POLR3C: variants seen among roughly 807,000 people sequenced by gnomAD.
POLR3C encodes DNA-directed RNA polymerase III subunit RPC3.
A neutral mutation model predicts 65.9 loss-of-function variants in POLR3C; 44 were observed. The observed-to-expected ratio is 0.67, with a 90% CI of 0.52 to 0.86. The LOEUF is 0.86. Among genes scored for constraint, POLR3C ranks in the 40% least tolerant of loss-of-function variants. POLR3C has a pLI of 0.00. For missense variants in POLR3C, 576 were observed against 653.2 expected, an observed-to-expected ratio of 0.88 and a Z score of 1.29; for synonymous variants, 263 against 231.6, an observed-to-expected ratio of 1.14 and a Z score of -1.23.
intron 4 of POLR3C, among the ~76,000 whole-genome samples, chr1:145,827,262 T>C (rs1553726064): frequency 2.0e-5 from 3 of 152,322 alleles, no homozygotes; most frequent in South Asian, 2.1e-4. Context: ...GGAACTGTCA[T>C]AGTATTATGA....
intron 11 of POLR3C, among the ~76,000 whole-genome samples, chr1:145,838,934 C>A (rs906287869): frequency 3.3e-5 from 5 of 152,138 alleles, no homozygotes; most frequent in Non-Finnish European, 5.9e-5. Flanking sequence ...AAGCAAGTTA[C>A]CACGTTTCCC....
In POLR3C at chr1:145,842,997, T is replaced by A. The variant is rs1652409874; in HGVS notation, c.*577T>A. 1.3e-5 allele frequency among the ~76,000 whole-genome samples: 2 copies of A among 151,584 alleles called. No homozygotes were observed. The highest frequency in any genetic ancestry group is 6.6e-5 in the Admixed American group (1 of 15,202). ...CCCAGCTATTTTTTATTTATTTATTTATTTTTTTGTAGAGACAGGGCCTCC... is the reference window on the plus strand; with the variant it reads ...CCCAGCTATTTTTTATTTATTTATTAATTTTTTTGTAGAGACAGGGCCTCC... On this transcript the variant is annotated 3_prime_UTR_variant, in exon 15 of 15. Transcript: ENST00000334163.
chr1:145,837,951 C>A, intron 10 of POLR3C, 105 bp from the exon 11 acceptor site: 1 of 1,007,102 alleles, frequency 9.9e-7, no homozygotes, highest in Non-Finnish European at 1.5e-6. Flanking sequence ...CTGTTCCTGT[C>A]TGGTACTGGC....
chr1:145,832,669 C>T (rs1250258610), intron 5 of POLR3C, among the ~76,000 whole-genome samples: 24 of 151,902 alleles, frequency 1.6e-4, no homozygotes, highest in Admixed American at 1.3e-3. Flanking sequence ...AGTCATCTGC[C>T]GAGAGTGAGA....
chr1:145,842,793 T>TGATAGATAGATATATAGATA lies in POLR3C; in HGVS notation c.*385_*386insTATAGATAGATAGATAGATA, dbSNP rs1652388873. Among the ~76,000 whole-genome samples the TGATAGATAGATATATAGATA allele has an allele frequency of 7.0e-6, 1 of 142,302 alleles. No homozygotes were observed. Among genetic ancestry groups the TGATAGATAGATATATAGATA allele is most frequent in the Non-Finnish European group, 1.5e-5 (1 of 67,748 alleles). 93.4% of individuals were successfully genotyped at this position (142,302 alleles called of 152,430 possible). A position where few individuals can be genotyped will look rare whatever the true frequency, so the allele number is the denominator to read the frequency against. On this transcript the variant is annotated 3_prime_UTR_variant, in exon 15 of 15. Coordinates refer to ENST00000334163, the MANE Select transcript of POLR3C (RefSeq NM_006468.8). ...CTGTTCTTTATTTTGTTGAGATAGGTGATAGATAGATAGATAGATAGATAA... is the reference window on the plus strand; with the variant it reads ...CTGTTCTTTATTTTGTTGAGATAGGTGATAGATAGATATATAGATAGATAGATAGATAGATAGATAGATAA...
At chr1:145,837,690 T>G in intron 10 of POLR3C, 94 bp downstream of exon 10, 1 of 855,444 alleles carries the variant, frequency 1.2e-6, no homozygotes, top group South Asian at 1.4e-5. Flanking sequence ...TAACCACACC[T>G]TGGCATACTT....
Position 145,825,822 on chromosome 1 carries a change from C to T in POLR3C, c.46C>T (p.His16Tyr), listed in dbSNP as rs782099141. ...IKLCSLLLQEHFGEIVEKIGV... is the reference protein window; with the variant it reads ...IKLCSLLLQEYFGEIVEKIGV... Reference sequence around the variant, plus strand: ...GCTCTGTTCTTTGTTGCTGCAAGAGCATTTTGGAGAGATTGTAGAAAAAAT... The same window carrying T: ...GCTCTGTTCTTTGTTGCTGCAAGAGTATTTTGGAGAGATTGTAGAAAAAAT... Residue 16 changes from histidine (H) to tyrosine (Y), a missense_variant, in exon 2 of 15, where the codon CAT becomes TAT. By Grantham distance (83) the His-to-Tyr change is moderately conservative. Transcript: ENST00000334163. 8 of 1,612,610 alleles carry T rather than the reference C, an allele frequency of 5.0e-6. No homozygotes were observed. In the South Asian group the frequency reaches 8.8e-5, roughly 18 times the overall value.
chr1:145,834,274 C>G (rs1651597100), intron 7 of POLR3C, among the ~76,000 whole-genome samples: 1 of 152,150 alleles, frequency 6.6e-6, no homozygotes, highest in South Asian at 2.1e-4. Flanking sequence ...ATGAATGGAG[C>G]TTTCAGGACT....
At chr1:145,837,909 A>G (rs781922753) in intron 10 of POLR3C, 147 bp from the exon 11 acceptor site, 2 of 709,540 alleles carry the variant, frequency 2.8e-6, no homozygotes, top group Non-Finnish European at 2.3e-6. Context: ...ACCATCACCA[A>G]CCTATGGAGC....
chr1:145,825,700 G>C (rs1650673187), intron 1 of POLR3C, 57 bp from the exon 2 acceptor site: 8 of 1,107,892 alleles, frequency 7.2e-6, no homozygotes, highest in Non-Finnish European at 9.2e-6. Context: ...ACACTCAGCA[G>C]CTCTGCTTCC....
chr1:145,838,329 A>G (rs1278264151), intron 11 of POLR3C, 123 bp downstream of exon 11: 3 of 783,194 alleles, frequency 3.8e-6, no homozygotes, highest in Non-Finnish European at 6.4e-6. Context: ...ACAGAAAAAC[A>G]TGATTCACAG....
intron 7 of POLR3C, among the ~76,000 whole-genome samples, chr1:145,835,297 T>G (rs1348451614): frequency 6.6e-6 from 1 of 151,402 alleles, no homozygotes; most frequent in East Asian, 2.0e-4. Flanking sequence ...TTACAGAAAT[T>G]AGCCAGGCAT....
chr1:145,830,416 A>T (rs587668781), intron 5 of POLR3C, among the ~76,000 whole-genome samples: 6 of 152,282 alleles, frequency 3.9e-5, no homozygotes, highest in African/African-American at 1.4e-4. Context: ...ACATCTGATA[A>T]ATATAAAGAA....
rs1476444006 is a variant in POLR3C at position 145,842,618 on chromosome 1, T to C, written c.*198T>C. The C allele has an allele frequency of 5.0e-6, 3 of 599,296 alleles. No homozygotes were observed. The African/African-American group carries it at 5.6e-5, about 11-fold the overall frequency. 37.1% of individuals were successfully genotyped at this position (599,296 alleles called of 1,614,324 possible). ...TGCTGTAGTCTCCCCTCATCAAATCTTGGCAGTGGGAAGAACCTTAAATCA... is the reference window on the plus strand; with the variant it reads ...TGCTGTAGTCTCCCCTCATCAAATCCTGGCAGTGGGAAGAACCTTAAATCA... On this transcript the variant is annotated 3_prime_UTR_variant, in exon 15 of 15. Coordinates refer to ENST00000334163, the MANE Select transcript of POLR3C (RefSeq NM_006468.8).
At chr1:145,829,698 TACTC>T (rs1186583390) in intron 5 of POLR3C, among the ~76,000 whole-genome samples, 5 of 152,210 alleles carry the variant, frequency 3.3e-5, no homozygotes, top group Non-Finnish European at 7.3e-5. Context: ...GTCTCCATCT[TACTC>T]ACTGTGTTCC....
chr1:145,836,783 G>A (rs782111141), intron 8 of POLR3C, 32 bp from the exon 9 acceptor site: 115 of 1,452,662 alleles, frequency 7.9e-5, no homozygotes, highest in Non-Finnish European at 9.9e-5. Context: ...TGGACTTTCC[G>A]TTCAGTTAAC....
chr1:145,828,847 C>T lies in POLR3C; in HGVS notation c.678+10C>T. On this transcript the variant is annotated intron_variant, in intron 5 of 14. Coordinates refer to ENST00000334163, the MANE Select transcript of POLR3C (RefSeq NM_006468.8). ...TACAGATAACAAGGAGGTAATGGGGCTTCTTGATTAGAAGTCCTCACCCTG... is the reference window on the plus strand; with the variant it reads ...TACAGATAACAAGGAGGTAATGGGGTTTCTTGATTAGAAGTCCTCACCCTG... The T allele has an allele frequency of 1.4e-6, 2 of 1,468,994 alleles. No individual in the cohort carries two copies. Among genetic ancestry groups the T allele is most frequent in the South Asian group, 2.3e-5 (2 of 88,174 alleles). The allele number at this position is 1,468,994 out of a possible 1,614,324, so 91.0% of individuals were successfully genotyped here.
chr1:145,831,296 C>T (rs1651290956), intron 5 of POLR3C, among the ~76,000 whole-genome samples: 1 of 151,992 alleles, frequency 6.6e-6, no homozygotes, highest in South Asian at 2.1e-4. Context: ...AGGTGGATCA[C>T]CTGAGGTCAG....
In POLR3C at chr1:145,825,918, G is replaced by A. The variant is rs1553725650; in HGVS notation, c.142G>A (p.Asp48Asn). The A allele has an allele frequency of 1.3e-5, 21 of 1,608,694 alleles. No homozygotes were observed. Among genetic ancestry groups the A allele is most frequent in the Non-Finnish European group, 1.6e-5 (19 of 1,175,188 alleles). ...TGCCCATGACACAGGAACATCACTG[G>A]ATCAGGTATGTCTAAATGACATTCA... ...VIAHDTGTSLDQVKKALCVLV... is the reference protein window; with the variant it reads ...VIAHDTGTSLNQVKKALCVLV... Residue 48 changes from aspartate (D) to asparagine (N), a missense_variant, in exon 2 of 15, where the codon GAT (aspartate) becomes AAT (asparagine). Asp to Asn is a conservative substitution (Grantham distance 23). Coordinates refer to ENST00000334163, the MANE Select transcript of POLR3C (RefSeq NM_006468.8).
Sources: allele counts gnomAD v4.1 joint callset (sites outside exome capture counted in the v4.1 genomes callset), GRCh38; gene constraint gnomAD v4.1.1; transcripts MANE v1.5; gene names NCBI Gene and HGNC (gene_info 2026-07-23, HGNC 2026-07-21).